Variants in SYT14 observed in about 807,000 individuals in gnomAD.
SYT14 encodes synaptotagmin 14, also known as synaptotagmin-14.
SYT14 carries 32 observed loss-of-function variants against 74.2 expected under a neutral mutation model. The observed-to-expected ratio is 0.43, with a 90% CI of 0.33 to 0.58. The LOEUF is 0.58. Among genes scored for constraint, SYT14 ranks in the 20% least tolerant of loss-of-function variants. The pLI, the probability that SYT14 is intolerant of heterozygous loss-of-function variation, is 0.05. For missense variants in SYT14, 791 were observed against 981.8 expected (o/e 0.81, Z 2.60); for synonymous variants, 298 against 337.7 (o/e 0.88, Z 1.29).
In SYT14 at chr1:210,070,159, C is replaced by T. The variant is rs61826853; in HGVS notation, c.1313-24163C>T. Reference sequence around the variant, plus strand: ...TGCATACAACTTCTCTCGTTCCGCTCTCCATCTCCTCCCCGACTGTGCCGT... The same window carrying T: ...TGCATACAACTTCTCTCGTTCCGCTTTCCATCTCCTCCCCGACTGTGCCGT... On this transcript the variant is annotated intron_variant, in intron 5 of 9. Coordinates refer to ENST00000637265, the Ensembl canonical transcript of SYT14. Among the ~76,000 whole-genome samples the T allele has an allele frequency of 5.1e-3, 776 of 152,206 alleles. 2 individuals carry two copies. Among genetic ancestry groups the T allele is most frequent in the Non-Finnish European group, 8.0e-3 (544 of 67,952 alleles).
chr1:210,113,879 G>T (rs555763946), intron 7 of SYT14, among the ~76,000 whole-genome samples: 1 of 151,318 alleles, frequency 6.6e-6, no homozygotes, highest in South Asian at 2.1e-4. Context: ...GTTTTAAGAG[G>T]TTTAGAAGCC....
chr1:210,170,255 C>T (rs1450541768), exon 10 of SYT14: 1 of 152,084 alleles, frequency 6.6e-6, no homozygotes, highest in East Asian at 1.9e-4. Flanking sequence ...ATTATTGTCA[C>T]ATTTATTTAC....
intron 5 of SYT14, among the ~76,000 whole-genome samples, chr1:210,061,252 A>G (rs2081202879): frequency 6.6e-6 from 1 of 152,018 alleles, no homozygotes; most frequent in Admixed American, 6.6e-5. Flanking sequence ...CGAAATTTTC[A>G]TAATTGAGTT....
chr1:209,960,698 C>T (rs902261447), intron 2 of SYT14, among the ~76,000 whole-genome samples: 2 of 152,080 alleles, frequency 1.3e-5, no homozygotes, highest in South Asian at 2.1e-4. Flanking sequence ...CAATTAACAT[C>T]TTAAAGTGAG....
At chr1:210,029,018 A>G (rs1222943959) in intron 5 of SYT14, among the ~76,000 whole-genome samples, 1 of 152,140 alleles carries the variant, frequency 6.6e-6, no homozygotes, top group East Asian at 1.9e-4. Context: ...CATCTCCTTA[A>G]TTATTAGCGA....
intron 5 of SYT14, among the ~76,000 whole-genome samples, chr1:210,035,292 C>A (rs1319933229): frequency 6.6e-6 from 1 of 151,740 alleles, no homozygotes; most frequent in East Asian, 1.9e-4. Context: ...TGTTTGCATT[C>A]CTCGTAGATT....
chr1:209,985,078 C>T (rs1479750227), intron 2 of SYT14, among the ~76,000 whole-genome samples: 1 of 152,246 alleles, frequency 6.6e-6, no homozygotes, highest in Non-Finnish European at 1.5e-5. Flanking sequence ...CACAAAATCT[C>T]ATGTCCTTCT....
At chr1:210,038,008 C>T (rs769451994) in intron 5 of SYT14, among the ~76,000 whole-genome samples, 1 of 151,928 alleles carries the variant, frequency 6.6e-6, no homozygotes, top group Admixed American at 6.6e-5. Flanking sequence ...TTTTCTCTCT[C>T]GATGATCTGT....
intron 5 of SYT14, among the ~76,000 whole-genome samples, chr1:210,075,096 C>T (rs1282696027): frequency 6.6e-6 from 1 of 152,186 alleles, no homozygotes; most frequent in African/African-American, 2.4e-5. Flanking sequence ...GGAGTCCGAC[C>T]GCTCAGCGGC....
At chr1:210,103,166 G>A (rs983948204) in intron 7 of SYT14, among the ~76,000 whole-genome samples, 4 of 151,878 alleles carry the variant, frequency 2.6e-5, no homozygotes, top group African/African-American at 9.7e-5. Context: ...AGCTAGTTTT[G>A]CAGGAACTGA....
chr1:210,033,270 G>A (rs542903170), intron 5 of SYT14, among the ~76,000 whole-genome samples: 1 of 151,908 alleles, frequency 6.6e-6, no homozygotes, highest in South Asian at 2.1e-4. Flanking sequence ...ATACATTATG[G>A]TAATATGTTT....
At chr1:209,999,400 T>C (rs999746587) in intron 2 of SYT14, among the ~76,000 whole-genome samples, 6 of 152,126 alleles carry the variant, frequency 3.9e-5, no homozygotes, top group African/African-American at 1.4e-4. Flanking sequence ...ATCCTTCTAC[T>C]GGGTATTTAT....
chr1:210,102,583 G>C (rs1272419251), intron 7 of SYT14, among the ~76,000 whole-genome samples: 3 of 152,028 alleles, frequency 2.0e-5, no homozygotes, highest in Non-Finnish European at 1.5e-5. Context: ...TGTAATTGCA[G>C]TTTACTTGGG....
At chr1:210,030,550 T>C (rs1196651722) in intron 5 of SYT14, among the ~76,000 whole-genome samples, 1 of 152,202 alleles carries the variant, frequency 6.6e-6, no homozygotes, top group African/African-American at 2.4e-5. Context: ...GATAATTTTT[T>C]CCTTTTCACT....
At chr1:209,992,761 G>A (rs1002332409) in intron 2 of SYT14, among the ~76,000 whole-genome samples, 6 of 152,118 alleles carry the variant, frequency 3.9e-5, no homozygotes, top group African/African-American at 1.4e-4. Flanking sequence ...GACACAGGGA[G>A]GAAGTACCAT....
chr1:209,969,486 C>CTTT (rs35157576), intron 2 of SYT14, among the ~76,000 whole-genome samples: 17 of 127,174 alleles, frequency 1.3e-4, no homozygotes, highest in East Asian at 4.9e-4. Flanking sequence ...TTTTTTCTTT[C>CTTT]TTTTTTTTTT....
At chr1:210,075,296 G>C (rs2081473784) in intron 5 of SYT14, among the ~76,000 whole-genome samples, 1 of 151,490 alleles carries the variant, frequency 6.6e-6, no homozygotes, top group South Asian at 2.1e-4. Flanking sequence ...TGTTCTTCTT[G>C]ACGTCTAGCC....
intron 9 of SYT14, among the ~76,000 whole-genome samples, chr1:210,159,708 T>G (rs180709786): frequency 8.5e-5 from 13 of 152,334 alleles, no homozygotes; most frequent in Non-Finnish European, 1.3e-4. Flanking sequence ...TTTTTATTTT[T>G]TCATTCATTT....
chr1:210,148,090 C>CAA (rs5780558), intron 7 of SYT14, among the ~76,000 whole-genome samples: 1 of 151,758 alleles, frequency 6.6e-6, no homozygotes, highest in Non-Finnish European at 1.5e-5. Flanking sequence ...CTCACACAAA[C>CAA]AAAAAAAACT....
Sources: gnomAD v4.1 joint callset for allele counts (sites outside exome capture counted in the v4.1 genomes callset) on GRCh38, gnomAD v4.1.1 for gene constraint, MANE v1.5 for transcripts, NCBI Gene and HGNC (gene_info 2026-07-23, HGNC 2026-07-21) for gene names.